Variants in MACROD2 observed in about 807,000 individuals in gnomAD.
The protein encoded by MACROD2 is ADP-ribose glycohydrolase MACROD2.
A neutral mutation model predicts 70.4 loss-of-function variants in MACROD2; 36 were observed. That is an observed-to-expected ratio of 0.51 (90% CI 0.39 to 0.68). The LOEUF is 0.68. Among genes scored for constraint, MACROD2 ranks in the 30% least tolerant of loss-of-function variants. The pLI is 0.00. For synonymous variants in MACROD2, 172 were observed against 178.8 expected (o/e 0.96, Z 0.30); for missense variants, 496 against 538.4 (o/e 0.92, Z 0.78).
intron 8 of MACROD2, among the ~76,000 whole-genome samples, chr20:15,808,489 G>C (rs2063789399): frequency 3.9e-5 from 6 of 152,014 alleles, no homozygotes; most frequent in Admixed American, 3.9e-4. Flanking sequence ...TACACAAAAT[G>C]ATTAAGAAGG....
chr20:15,362,915 A>C (rs6043234), intron 6 of MACROD2, among the ~76,000 whole-genome samples: 7,440 of 151,424 alleles, frequency 0.049, 581 homozygotes, highest in African/African-American at 0.17. Context: ...AGAAGAAAGG[A>C]AAGGAAATGA....
chr20:14,221,473 A>C (rs1284252601), intron 3 of MACROD2, among the ~76,000 whole-genome samples: 2 of 152,170 alleles, frequency 1.3e-5, no homozygotes, highest in Admixed American at 6.5e-5. Flanking sequence ...CATTATATAC[A>C]AAAACCAACT....
chr20:15,341,608 A>G (rs1033239203), intron 6 of MACROD2, among the ~76,000 whole-genome samples: 4 of 152,242 alleles, frequency 2.6e-5, no homozygotes, highest in Non-Finnish European at 5.9e-5. Context: ...CTAGAGATGA[A>G]TTGAAGACTT....
chr20:15,873,933 T>C (rs1480843565), intron 9 of MACROD2, among the ~76,000 whole-genome samples: 1 of 152,166 alleles, frequency 6.6e-6, no homozygotes, highest in Non-Finnish European at 1.5e-5. Context: ...TTTGTTATTA[T>C]ACTTTAAGTT....
intron 4 of MACROD2, among the ~76,000 whole-genome samples, chr20:14,682,932 T>C (rs2070951932): frequency 6.6e-6 from 1 of 152,140 alleles, no homozygotes; most frequent in Non-Finnish European, 1.5e-5. Context: ...CAGGCTGGAG[T>C]GCAATGGCAC....
rs116672599 is a variant in MACROD2, at chr20:14,990,355, T to G, written c.419-239585T>G. On this transcript the variant is annotated intron_variant, in intron 5 of 17. Transcript: ENST00000684519. ...AAGCCCAGGGTAGTTATTTTGGAAGTTGCAGATTTGCTAGCCTGCTATGTT... is the reference window on the plus strand; with the variant it reads ...AAGCCCAGGGTAGTTATTTTGGAAGGTGCAGATTTGCTAGCCTGCTATGTT... 7.1e-3 allele frequency among the ~76,000 whole-genome samples: 1,077 copies of G among 152,166 alleles called. 12 individuals are homozygous for G. Among genetic ancestry groups the G allele is most frequent in the African/African-American group, 0.025 (1,025 of 41,534 alleles).
At chr20:14,613,503 A>G (rs1383470855) in intron 4 of MACROD2, among the ~76,000 whole-genome samples, 3 of 152,010 alleles carry the variant, frequency 2.0e-5, no homozygotes, top group Admixed American at 2.0e-4. Context: ...AGGAAGAAAG[A>G]AGGGTAAGGA....
chr20:14,187,519 T>A (rs769431852), intron 3 of MACROD2, among the ~76,000 whole-genome samples: 5 of 152,200 alleles, frequency 3.3e-5, no homozygotes, highest in Non-Finnish European at 7.4e-5. Context: ...TGACAGATAC[T>A]ATATCAGACT....
At chr20:14,872,474 G>C (rs1014443824) in intron 5 of MACROD2, among the ~76,000 whole-genome samples, 3 of 152,044 alleles carry the variant, frequency 2.0e-5, no homozygotes, top group African/African-American at 7.2e-5. Flanking sequence ...CAGGGATCCA[G>C]GTTGCCCTTC....
At chr20:14,888,171 G>A (rs1016568533) in intron 5 of MACROD2, 1 of 152,186 alleles carries the variant, frequency 6.6e-6, no homozygotes, top group African/African-American at 2.4e-5. Context: ...TGGAGCCTGA[G>A]TACACTGTGA....
At chr20:14,664,538 G>A (rs952640225) in intron 4 of MACROD2, among the ~76,000 whole-genome samples, 4 of 151,856 alleles carry the variant, frequency 2.6e-5, no homozygotes, top group Non-Finnish European at 5.9e-5. Context: ...CGTTAGTTTT[G>A]GTGACAAAAT....
intron 9 of MACROD2, among the ~76,000 whole-genome samples, chr20:15,866,013 G>A (rs1298900925): frequency 1.3e-5 from 2 of 152,154 alleles, no homozygotes; most frequent in Non-Finnish European, 2.9e-5. Context: ...GCTGGATGAG[G>A]AACAAGTGGA....
At chr20:15,096,771 C>T (rs1202235637) in intron 5 of MACROD2, among the ~76,000 whole-genome samples, 2 of 150,602 alleles carry the variant, frequency 1.3e-5, no homozygotes, top group Non-Finnish European at 2.9e-5. Context: ...CTCGGCCTCC[C>T]AAAGTGCTGG....
chr20:14,329,618 T>C (rs1392919958), intron 3 of MACROD2, among the ~76,000 whole-genome samples: 1 of 152,088 alleles, frequency 6.6e-6, no homozygotes. Context: ...AAAATTTACT[T>C]TTAAATCATA....
chr20:15,392,741 T>C (rs917955980), intron 6 of MACROD2, among the ~76,000 whole-genome samples: 1 of 152,068 alleles, frequency 6.6e-6, no homozygotes, highest in Non-Finnish European at 1.5e-5. Flanking sequence ...CCTCCTGTAC[T>C]GTTATTTTCC....
In MACROD2 at chr20:14,100,763, A is replaced by G. The variant is rs1056719876; in HGVS notation, c.271+15035A>G. 2.8e-4 allele frequency among the ~76,000 whole-genome samples: 39 copies of G among 140,532 alleles called. No individual in the cohort carries two copies. In the East Asian group the frequency reaches 7.8e-3, roughly 28 times the overall value. The allele number at this position is 140,532 out of a possible 152,430, so 92.2% of individuals were successfully genotyped here. A position where few individuals can be genotyped will look rare whatever the true frequency, so the allele number is the denominator to read the frequency against. Reference sequence around the variant, plus strand: ...AATATAATATATAATATATAAAAATATAATCTATAATATATATTACATATT... The same window carrying G: ...AATATAATATATAATATATAAAAATGTAATCTATAATATATATTACATATT... On this transcript the variant is annotated intron_variant, in intron 3 of 17. Coordinates refer to ENST00000684519, the MANE Select transcript of MACROD2 (RefSeq NM_001351661.2).
intron 4 of MACROD2, among the ~76,000 whole-genome samples, chr20:14,649,910 ACT>A (rs1985593304): frequency 6.6e-6 from 1 of 151,942 alleles, no homozygotes; most frequent in Non-Finnish European, 1.5e-5. Flanking sequence ...TCAGTTCTTG[ACT>A]CTGGATCCAG....
chr20:15,504,633 A>C (rs2047403420), intron 8 of MACROD2, among the ~76,000 whole-genome samples: 1 of 152,194 alleles, frequency 6.6e-6, no homozygotes, highest in South Asian at 2.1e-4. Context: ...TGAGGCAGGC[A>C]GGGTCTGAAG....
chr20:14,624,143 G>C (rs527913083), intron 4 of MACROD2, among the ~76,000 whole-genome samples: 24 of 152,280 alleles, frequency 1.6e-4, no homozygotes, highest in African/African-American at 5.5e-4. Flanking sequence ...TGATCTAGAA[G>C]GCAGGAGGTA....
Sources: allele counts gnomAD v4.1 joint callset (sites outside exome capture counted in the v4.1 genomes callset), GRCh38; gene constraint gnomAD v4.1.1; transcripts MANE v1.5; gene names NCBI Gene and HGNC (gene_info 2026-07-23, HGNC 2026-07-21).